Variants in CIDEC observed in about 807,000 individuals in gnomAD.
CIDEC encodes the protein lipid transferase CIDEC.
CIDEC carries 11 observed loss-of-function variants against 21.9 expected under a neutral mutation model. The observed-to-expected ratio is 0.50, with a 90% CI of 0.32 to 0.83. CIDEC has a LOEUF of 0.83. Among genes scored for constraint, CIDEC ranks in the 40% least tolerant of loss-of-function variants. The pLI is 0.04. For missense variants in CIDEC, 302 were observed against 302.3 expected (o/e 1.00, Z 0.01); for synonymous variants, 127 against 124.9 (o/e 1.02, Z -0.11).
chr3:9,879,346 A>T (rs183747257), intron 1 of CIDEC, among the ~76,000 whole-genome samples: 1 of 151,764 alleles, frequency 6.6e-6, no homozygotes, highest in African/African-American at 2.4e-5. Flanking sequence ...TTTTGTTTGG[A>T]TTTTTAGTAG....
In CIDEC at chr3:9,878,961, C is replaced by A; in HGVS notation, c.-45G>T. ...CCTCACCTCTAGTCCAGAGACCTCA[C>A]AGGCAGGCAGCCCAGTCAAAGCCTC... On this transcript the variant is annotated 5_prime_UTR_variant, in exon 2 of 7. Transcript: ENST00000336832. The A allele has an allele frequency of 1.4e-6, 1 of 726,874 alleles. No individual in the cohort carries two copies. Among genetic ancestry groups the A allele is most frequent in the Non-Finnish European group, 2.4e-6 (1 of 419,292 alleles). The allele number at this position is 726,874 out of a possible 1,614,324, so 45.0% of individuals were successfully genotyped here.
At chr3:9,870,386 G>A (rs1575448582) in intron 4 of CIDEC, 64 bp from the exon 5 acceptor site, 2 of 1,599,504 alleles carry the variant, frequency 1.3e-6, no homozygotes, top group East Asian at 4.5e-5. Flanking sequence ...TCTATGAGGT[G>A]GAACTGGAGC....
chr3:9,877,250 C>T (rs2082439059), intron 3 of CIDEC, 31 bp from the exon 4 acceptor site: 1 of 1,549,212 alleles, frequency 6.5e-7, no homozygotes, highest in Non-Finnish European at 8.7e-7. Context: ...GGGTGAGCCA[C>T]CCACTTTGCC....
At chr3:9,870,491 C>T (rs1464426255) in intron 4 of CIDEC, 169 bp from the exon 5 acceptor site, 1 of 1,518,796 alleles carries the variant, frequency 6.6e-7, no homozygotes, top group South Asian at 1.2e-5. Context: ...TAATATTGTC[C>T]AATAAAATAT....
intron 4 of CIDEC, among the ~76,000 whole-genome samples, chr3:9,873,504 T>C (rs1436384900): frequency 1.3e-5 from 2 of 152,130 alleles, no homozygotes; most frequent in Non-Finnish European, 2.9e-5. Flanking sequence ...TAGTCCCAGC[T>C]ACTCCAGAGG....
chr3:9,875,201 C>G (rs1440562391), intron 4 of CIDEC, among the ~76,000 whole-genome samples: 1 of 151,840 alleles, frequency 6.6e-6, no homozygotes, highest in Non-Finnish European at 1.5e-5. Flanking sequence ...CGGTGAAACC[C>G]CGTCTCTACC....
At chr3:9,872,690 A>C (rs1190845004) in intron 4 of CIDEC, among the ~76,000 whole-genome samples, 1 of 151,974 alleles carries the variant, frequency 6.6e-6, no homozygotes, top group Non-Finnish European at 1.5e-5. Flanking sequence ...GTGTCCCTTG[A>C]TATACAAAAG....
Position 9,877,056 on chromosome 3 carries a change from G to A in CIDEC, c.207+10C>T, listed in dbSNP as rs1194898334. On this transcript the variant is annotated intron_variant, in intron 4 of 6. Transcript: ENST00000336832. ...CACAGCTGGGCTGTGCAACGCGCAG[G>A]TGCTCTCACCTTGAGGAGGAGGTCC... 2 of 1,550,276 alleles carry A rather than the reference G, an allele frequency of 1.3e-6. No homozygotes were observed. The highest frequency in any genetic ancestry group is 1.4e-5 in the African/African-American group (1 of 73,048).
At position 9,869,540 on chromosome 3, in the gene CIDEC, G is replaced by A. The variant is rs763835406; in HGVS notation, c.554+342C>T. On this transcript the variant is annotated intron_variant, in intron 6 of 6. Coordinates refer to ENST00000336832, the MANE Select transcript of CIDEC (RefSeq NM_001321142.2). ...GCTGGGATTACAGGCATGAGCCACC[G>A]TGCCTGGCCAACACATGTTCATTTT... Among the ~76,000 whole-genome samples, 6 of 152,218 alleles carry A rather than the reference G, an allele frequency of 3.9e-5. No individual in the cohort carries two copies. The South Asian group carries it at 8.3e-4, about 21-fold the overall frequency.
chr3:9,879,838 T>C (rs1219123401), intron 1 of CIDEC, among the ~76,000 whole-genome samples: 1 of 152,194 alleles, frequency 6.6e-6, no homozygotes. Flanking sequence ...GTTTCTGCTG[T>C]AGCCCCTCAG....
At chr3:9,875,356 G>A (rs1485656285) in intron 4 of CIDEC, among the ~76,000 whole-genome samples, 2 of 124,608 alleles carry the variant, frequency 1.6e-5, no homozygotes, top group African/African-American at 3.0e-5. Context: ...CAGCGTGGGC[G>A]ACAAAGCGAG....
chr3:9,875,243 G>C (rs1227337998), intron 4 of CIDEC, among the ~76,000 whole-genome samples: 1 of 152,038 alleles, frequency 6.6e-6, no homozygotes, highest in Non-Finnish European at 1.5e-5. Context: ...TGGGCGCGGT[G>C]GCGGGCGCCC....
chr3:9,877,205 C>G lies in CIDEC; in HGVS notation c.68G>C (p.Arg23Pro). The G allele has an allele frequency of 1.3e-6, 2 of 1,550,370 alleles. No homozygotes were observed. Among genetic ancestry groups the G allele is most frequent in the South Asian group, 1.2e-5 (1 of 84,000 alleles). ...PKSLSRHVSV[R>P]TSVVTQQLLS... ...CAGCTGCTGGGTCACCACAGAGGTA[C>G]GCACTGACACATGCCTGGGGCAGTT... Residue 23 changes from arginine to proline, a missense_variant, in exon 4 of 7, where the codon CGT (arginine) becomes CCT (proline). Transcript: ENST00000336832.
chr3:9,871,083 C>T (rs2082341501), intron 4 of CIDEC, among the ~76,000 whole-genome samples: 1 of 151,100 alleles, frequency 6.6e-6, no homozygotes. Flanking sequence ...TTTTTGTGTA[C>T]AAGTTTTTAT....
At chr3:9,879,144 T>G in intron 1 of CIDEC, 90 bp from the exon 2 acceptor site, 1 of 256,570 alleles carries the variant, frequency 3.9e-6, no homozygotes, top group Non-Finnish European at 7.4e-6. Context: ...ACATAACTAG[T>G]GTGATTCAGG....
chr3:9,870,828 T>C (rs1249148967), intron 4 of CIDEC, among the ~76,000 whole-genome samples: 4 of 152,134 alleles, frequency 2.6e-5, no homozygotes, highest in Non-Finnish European at 4.4e-5. Flanking sequence ...TTTTTAAAGA[T>C]GGTGTCTGGC....
At chr3:9,867,438 G>A in intron 6 of CIDEC, 142 bp from the exon 7 acceptor site, 2 of 797,520 alleles carry the variant, frequency 2.5e-6, no homozygotes, top group Non-Finnish European at 4.2e-6. Context: ...TGGCCAACAT[G>A]GCGAATCTCT....
intron 4 of CIDEC, among the ~76,000 whole-genome samples, chr3:9,871,872 C>T (rs759955455): frequency 3.3e-5 from 5 of 152,150 alleles, no homozygotes; most frequent in Admixed American, 1.3e-4. Context: ...TCAGTTGATC[C>T]GCCTGCCTCG....
intron 6 of CIDEC, among the ~76,000 whole-genome samples, chr3:9,868,224 A>G (rs1017169850): frequency 2.0e-5 from 3 of 152,280 alleles, no homozygotes; most frequent in East Asian, 1.9e-4. Context: ...AGCTCATTTC[A>G]TAAGGCTTTT....
Sources: gnomAD v4.1 joint callset for allele counts (sites outside exome capture counted in the v4.1 genomes callset) on GRCh38, gnomAD v4.1.1 for gene constraint, MANE v1.5 for transcripts, NCBI Gene and HGNC (gene_info 2026-07-23, HGNC 2026-07-21) for gene names.